Variants in FAM135B observed in about 807,000 individuals in gnomAD.
FAM135B encodes family with sequence similarity 135 member B, also known as protein FAM135B.
FAM135B carries 43 observed loss-of-function variants against 127.7 expected under a neutral mutation model. That is an observed-to-expected ratio of 0.34 (90% CI 0.26 to 0.43). The LOEUF (loss-of-function observed/expected upper bound fraction) is 0.43. Ranked by LOEUF, FAM135B falls within the 20% of genes least tolerant of loss-of-function variation. The probability of loss-of-function intolerance (pLI) is 1.00; values close to 1 mark genes in which losing one functional copy is unlikely to be tolerated. For missense variants in FAM135B, 1,558 were observed against 1,725.6 expected (o/e 0.90, Z 1.72); for synonymous variants, 670 against 665.1 (o/e 1.01, Z -0.11).
rs772974903 is a variant in FAM135B, at chr8:138,151,444, C to A, written c.3031G>T (p.Gly1011Trp). The change falls in exon 13 of 20, where the codon GGG (glycine) becomes TGG (tryptophan). Residue 1011 changes from glycine to tryptophan, a missense_variant. By Grantham distance (184) the Gly-to-Trp change is radical. Around this residue, in one of 5 missense-constraint regions of FAM135B, gnomAD observed 923 missense variants for 865.3 expected, o/e 1.07. Transcript: ENST00000395297. ...GTCTCTGCAGAAGTCAGATGGGACC[C>A]CATGATGGAAGTGCCTGCCTTCAGC... ...QELKAGTSIM[G>W]SHLTSAETFT... 2.5e-6 allele frequency: 4 copies of A among 1,614,104 alleles called. No homozygotes were observed. The African/African-American group carries it at 5.3e-5, about 22-fold the overall frequency.
intron 1 of FAM135B, among the ~76,000 whole-genome samples, chr8:138,457,974 C>CG (rs1836892587): frequency 1.3e-5 from 1 of 76,992 alleles, no homozygotes; most frequent in Non-Finnish European, 3.0e-5. Flanking sequence ...GACTCCATCT[C>CG]AAAAAAAAAA....
chr8:138,457,040 T>C (rs1480102360), intron 1 of FAM135B, among the ~76,000 whole-genome samples: 2 of 150,390 alleles, frequency 1.3e-5, no homozygotes, highest in African/African-American at 4.9e-5. Context: ...AAAAAAAAGC[T>C]TTACATGTGG....
At chr8:138,475,026 T>A (rs1814329313) in intron 1 of FAM135B, among the ~76,000 whole-genome samples, 1 of 152,242 alleles carries the variant, frequency 6.6e-6, no homozygotes, top group Non-Finnish European at 1.5e-5. Context: ...GACAAAACCT[T>A]GTGCTGTTAC....
At chr8:138,331,140 C>T (rs994313734) in intron 2 of FAM135B, among the ~76,000 whole-genome samples, 6 of 152,278 alleles carry the variant, frequency 3.9e-5, no homozygotes, top group Admixed American at 6.5e-5. Flanking sequence ...CCTGGCATGC[C>T]ACATATGGTA....
At chr8:138,217,703 T>A (rs892464346) in intron 7 of FAM135B, among the ~76,000 whole-genome samples, 2 of 152,164 alleles carry the variant, frequency 1.3e-5, no homozygotes, top group African/African-American at 4.8e-5. Flanking sequence ...AGTGCTGGGA[T>A]TACAGGCGTG....
At chr8:138,306,889 C>G (rs147075424) in intron 3 of FAM135B, among the ~76,000 whole-genome samples, 2 of 152,232 alleles carry the variant, frequency 1.3e-5, no homozygotes, top group African/African-American at 4.8e-5. Flanking sequence ...TGGCCACAGG[C>G]TGTATCATTC....
intron 2 of FAM135B, among the ~76,000 whole-genome samples, chr8:138,316,299 G>A (rs950818280): frequency 6.6e-6 from 1 of 151,982 alleles, no homozygotes; most frequent in African/African-American, 2.4e-5. Flanking sequence ...GAGGTCAGGA[G>A]ATCGAGACCA....
intron 1 of FAM135B, among the ~76,000 whole-genome samples, chr8:138,405,674 A>G (rs1172727957): frequency 6.6e-6 from 1 of 152,156 alleles, no homozygotes; most frequent in East Asian, 1.9e-4. Flanking sequence ...CAATAAACAT[A>G]CGTGTGTATG....
At chr8:138,364,670 C>T (rs1830630815) in intron 2 of FAM135B, among the ~76,000 whole-genome samples, 2 of 152,040 alleles carry the variant, frequency 1.3e-5, no homozygotes, top group Admixed American at 1.3e-4. Flanking sequence ...ATCTGTAAAA[C>T]CATTCTTGAG....
At chr8:138,399,530 G>C (rs1833032511) in intron 1 of FAM135B, among the ~76,000 whole-genome samples, 1 of 152,114 alleles carries the variant, frequency 6.6e-6, no homozygotes, top group South Asian at 2.1e-4. Flanking sequence ...GTGGGTCTTG[G>C]GGCTTTACCA....
intron 2 of FAM135B, among the ~76,000 whole-genome samples, chr8:138,316,651 C>T (rs569935709): frequency 6.6e-6 from 1 of 152,180 alleles, no homozygotes; most frequent in East Asian, 1.9e-4. Context: ...TAAAATGGAA[C>T]AGCCACTCTG....
At chr8:138,405,715 T>C (rs1411782448) in intron 1 of FAM135B, among the ~76,000 whole-genome samples, 1 of 152,162 alleles carries the variant, frequency 6.6e-6, no homozygotes, top group African/African-American at 2.4e-5. Flanking sequence ...TTATAGTCCT[T>C]TGGGTATATA....
At chr8:138,330,404 C>CAG (rs1380709974) in intron 2 of FAM135B, among the ~76,000 whole-genome samples, 4 of 152,200 alleles carry the variant, frequency 2.6e-5, no homozygotes. Flanking sequence ...TCTGAATCCA[C>CAG]AGGCACATGG....
At chr8:138,209,464 T>C (rs1817967417) in intron 7 of FAM135B, among the ~76,000 whole-genome samples, 1 of 151,632 alleles carries the variant, frequency 6.6e-6, no homozygotes, top group Non-Finnish European at 1.5e-5. Context: ...ATAGAGTGAG[T>C]AAAATAACAA....
chr8:138,215,134 T>C (rs75532141), intron 7 of FAM135B, among the ~76,000 whole-genome samples: 4,426 of 152,236 alleles, frequency 0.029, 126 homozygotes, highest in East Asian at 0.15. Flanking sequence ...TAGACATGAT[T>C]AAATATCTAG....
chr8:138,262,094 T>C (rs1247077715), intron 4 of FAM135B, among the ~76,000 whole-genome samples: 1 of 152,132 alleles, frequency 6.6e-6, no homozygotes, highest in Non-Finnish European at 1.5e-5. Context: ...GAAAAGAAAT[T>C]TGATAGGAAG....
chr8:138,446,337 G>A (rs1265806975), intron 1 of FAM135B, among the ~76,000 whole-genome samples: 7 of 152,146 alleles, frequency 4.6e-5, no homozygotes, highest in South Asian at 4.2e-4. Flanking sequence ...AAAAGAGCCC[G>A]CATTGCCAAG....
intron 1 of FAM135B, among the ~76,000 whole-genome samples, chr8:138,493,366 A>G (rs1815273969): frequency 6.6e-6 from 1 of 152,096 alleles, no homozygotes; most frequent in Non-Finnish European, 1.5e-5. Context: ...CCATCTTCTT[A>G]GTTCTTCTTC....
chr8:138,163,873 G>A (rs1320353122), intron 12 of FAM135B, among the ~76,000 whole-genome samples: 1 of 152,118 alleles, frequency 6.6e-6, no homozygotes, highest in Non-Finnish European at 1.5e-5. Flanking sequence ...CCAGGCTGGA[G>A]TTCAGTGACA....
Sources: allele counts gnomAD v4.1 joint callset (sites outside exome capture counted in the v4.1 genomes callset), GRCh38; gene constraint gnomAD v4.1.1; regional missense constraint gnomAD v4.1.1; transcripts MANE v1.5; gene names NCBI Gene and HGNC (gene_info 2026-07-23, HGNC 2026-07-21).